The following THSD7B variants were observed in gnomAD, a reference collection of about 807,000 sequenced individuals.
THSD7B encodes thrombospondin type-1 domain-containing protein 7B.
In THSD7B, 138 loss-of-function variants were observed where a neutral mutation model predicts 213.6. The ratio of observed to expected loss-of-function variants is 0.65; its 90% CI spans 0.56 to 0.74. The LOEUF is 0.74. Among genes scored for constraint, THSD7B ranks in the 30% least tolerant of loss-of-function variants. The probability of loss-of-function intolerance (pLI) is 0.00; values close to 1 mark genes in which losing one functional copy is unlikely to be tolerated. For missense variants in THSD7B, 1,931 were observed against 1,991.5 expected, an observed-to-expected ratio of 0.97 and a Z score of 0.58; for synonymous variants, 742 against 687.0, an observed-to-expected ratio of 1.08 and a Z score of -1.25.
Position 137,676,622 on chromosome 2 carries a change from A to C in THSD7B, c.*17A>C. 6.5e-7 allele frequency: 1 copy of C among 1,547,260 alleles called. No individual in the cohort carries two copies. The highest frequency in any genetic ancestry group is 1.2e-5 in the South Asian group (1 of 81,260). On this transcript the variant is annotated 3_prime_UTR_variant, in exon 28 of 28. Transcript: ENST00000409968. ...GACATGTAATCTGAAAAAGAAATCC[A>C]AATGTAGACATCAACTGCCTTAACC...
At chr2:137,499,140 T>C (rs1406329107) in intron 15 of THSD7B, among the ~76,000 whole-genome samples, 11 of 152,182 alleles carry the variant, frequency 7.2e-5, no homozygotes, top group Non-Finnish European at 1.5e-4. Flanking sequence ...GGTAGTCGCC[T>C]GTAAGTAGAT....
intron 17 of THSD7B, among the ~76,000 whole-genome samples, chr2:137,612,660 T>C (rs1455718189): frequency 6.6e-6 from 1 of 152,198 alleles, no homozygotes; most frequent in Non-Finnish European, 1.5e-5. Flanking sequence ...ATTAGGTCAA[T>C]GTTTTCTCAT....
At chr2:137,096,615 C>A (rs1688045234) in intron 4 of THSD7B, among the ~76,000 whole-genome samples, 1 of 152,154 alleles carries the variant, frequency 6.6e-6, no homozygotes, top group Admixed American at 6.5e-5. Flanking sequence ...CTCACAGAAC[C>A]CTTCCTCGTT....
In THSD7B at chr2:136,972,672, A is replaced by G. The variant is rs186475200; in HGVS notation, c.140-83748A>G. Among the ~76,000 whole-genome samples, 587 of 152,302 alleles carry G rather than the reference A, an allele frequency of 3.9e-3. 7 individuals carry two copies. Among genetic ancestry groups the G allele is most frequent in the African/African-American group, 0.013 (529 of 41,574 alleles). On this transcript the variant is annotated intron_variant, in intron 2 of 27. Transcript: ENST00000409968. ...TTGGTTCATTTAATATACTTTAGAC[A>G]CACTTATAAACATTAAATAAACTAG...
At chr2:137,578,913 TACA>T (rs757387804) in intron 17 of THSD7B, among the ~76,000 whole-genome samples, 4 of 152,292 alleles carry the variant, frequency 2.6e-5, no homozygotes, top group East Asian at 3.9e-4. Flanking sequence ...AAGTGATCTG[TACA>T]ACAACAGCAA....
intron 2 of THSD7B, among the ~76,000 whole-genome samples, chr2:136,929,682 G>GT (rs1161545981): frequency 1.3e-5 from 2 of 152,134 alleles, no homozygotes; most frequent in African/African-American, 4.8e-5. Flanking sequence ...TAGGAGTAAG[G>GT]TTTTCAGGTG....
At chr2:137,164,875 T>A (rs1573862492) in intron 6 of THSD7B, among the ~76,000 whole-genome samples, 3 of 152,004 alleles carry the variant, frequency 2.0e-5, no homozygotes, top group East Asian at 3.9e-4. Context: ...CACCGGGGCC[T>A]GTCGTGGGGT....
chr2:137,365,338 C>A (rs1480028030), intron 12 of THSD7B, among the ~76,000 whole-genome samples: 1 of 152,136 alleles, frequency 6.6e-6, no homozygotes, highest in Non-Finnish European at 1.5e-5. Context: ...TGGGCAAGGA[C>A]TTCATGACCA....
intron 12 of THSD7B, among the ~76,000 whole-genome samples, chr2:137,404,872 G>T (rs1445244753): frequency 6.6e-6 from 1 of 151,884 alleles, no homozygotes. Context: ...TGGGAGGGGG[G>T]TGAGGGATAA....
chr2:137,178,775 A>G (rs1432236109), intron 7 of THSD7B, among the ~76,000 whole-genome samples: 2 of 152,210 alleles, frequency 1.3e-5, no homozygotes, highest in Admixed American at 6.5e-5. Flanking sequence ...TGTTGTCTCT[A>G]TAAACAGGCA....
At chr2:136,811,335 A>G (rs79786733) in intron 1 of THSD7B, among the ~76,000 whole-genome samples, 5,553 of 152,150 alleles carry the variant, frequency 0.036, 322 homozygotes, top group African/African-American at 0.12. Context: ...CCTTAGAATA[A>G]ATTCACAGCA....
chr2:137,485,198 A>G lies in THSD7B; in HGVS notation c.3138+34175A>G, dbSNP rs1444424259. Among the ~76,000 whole-genome samples, 5 of 124,348 alleles carry G rather than the reference A, an allele frequency of 4.0e-5. No homozygotes were observed. The East Asian group carries it at 9.4e-4, about 23-fold the overall frequency. The allele number at this position is 124,348 out of a possible 152,430, so 81.6% of individuals were successfully genotyped here. On this transcript the variant is annotated intron_variant, in intron 15 of 27. Coordinates refer to ENST00000409968, the MANE Select transcript of THSD7B (RefSeq NM_001316349.2). ...TAATCCATCTTGAATTAATTTTTGT[A>G]TAAGGTGTAAGGAAGGGATCCAGTT... is the stretch of plus-strand genomic sequence containing the variant.
intron 6 of THSD7B, among the ~76,000 whole-genome samples, chr2:137,160,980 T>C (rs1172710059): frequency 6.6e-6 from 1 of 152,214 alleles, no homozygotes. Context: ...ATTTCCACGC[T>C]CACATCTGAA....
chr2:137,155,249 A>G lies in THSD7B; in HGVS notation c.1370-4964A>G, dbSNP rs1051806599. 1.8e-4 allele frequency among the ~76,000 whole-genome samples: 27 copies of G among 152,322 alleles called. No individual in the cohort carries two copies. In the South Asian group the frequency reaches 2.1e-3, roughly 12 times the overall value. On this transcript the variant is annotated intron_variant, in intron 5 of 27. Transcript: ENST00000409968. ...ACATTGCTGTCTACCAAACCTAAAT[A>G]GCCTATAAGACCTTGGATAATTGCT...
intron 9 of THSD7B, among the ~76,000 whole-genome samples, chr2:137,234,078 A>G (rs976594380): frequency 2.0e-5 from 3 of 152,196 alleles, no homozygotes; most frequent in Non-Finnish European, 4.4e-5. Context: ...TACTCTAAGC[A>G]TATGAGCTGA....
intron 2 of THSD7B, among the ~76,000 whole-genome samples, chr2:137,013,793 C>T (rs1454172222): frequency 6.6e-6 from 1 of 152,136 alleles, no homozygotes; most frequent in African/African-American, 2.4e-5. Context: ...TCCTCTGGGG[C>T]AGAACTGGGC....
chr2:136,836,037 T>C (rs1478645864), intron 1 of THSD7B, among the ~76,000 whole-genome samples: 1 of 152,230 alleles, frequency 6.6e-6, no homozygotes, highest in Non-Finnish European at 1.5e-5. Flanking sequence ...AAGGAGATCA[T>C]TGCGTGTGGG....
intron 12 of THSD7B, among the ~76,000 whole-genome samples, chr2:137,315,172 A>G (rs2104869193): frequency 6.6e-6 from 1 of 152,338 alleles, no homozygotes; most frequent in South Asian, 2.1e-4. Context: ...CCGTGGGCGT[A>G]GGACCCTCCA....
chr2:136,765,686 G>C lies in THSD7B; in HGVS notation c.-37G>C, dbSNP rs1458028157. 2 of 152,256 alleles carry C rather than the reference G, an allele frequency of 1.3e-5. No individual in the cohort carries two copies. Among genetic ancestry groups the C allele is most frequent in the African/African-American group, 4.8e-5 (2 of 41,452 alleles). The allele number at this position is 152,256 out of a possible 1,614,324, so 9.4% of individuals were successfully genotyped here. A position where few individuals can be genotyped will look rare whatever the true frequency, so the allele number is the denominator to read the frequency against. On this transcript the variant is annotated splice_region_variant and 5_prime_UTR_variant, in exon 1 of 28. Transcript: ENST00000409968. Reference sequence around the variant, plus strand: ...GTTACGGCGGCGGCTCTGGCGAGACGGGTGAGTGCAAGCACGCGGAGCCCC... The same window carrying C: ...GTTACGGCGGCGGCTCTGGCGAGACCGGTGAGTGCAAGCACGCGGAGCCCC...
Sources: gnomAD v4.1 joint callset for allele counts (sites outside exome capture counted in the v4.1 genomes callset) on GRCh38, gnomAD v4.1.1 for gene constraint, MANE v1.5 for transcripts, NCBI Gene and HGNC (gene_info 2026-07-23, HGNC 2026-07-21) for gene names.